PHYHIPL: variants seen among roughly 807,000 people sequenced by gnomAD.
PHYHIPL encodes phytanoyl-CoA hydroxylase-interacting protein-like.
In PHYHIPL, 9 loss-of-function variants were observed where a neutral mutation model predicts 33.4. The ratio of observed to expected loss-of-function variants is 0.27; its 90% CI spans 0.16 to 0.47. The LOEUF is 0.47. PHYHIPL is among the 20% of genes least tolerant of loss of function. PHYHIPL has a pLI of 0.99. For missense variants in PHYHIPL, 365 were observed against 460.7 expected (o/e 0.79, Z 1.90); for synonymous variants, 153 against 154.1 (o/e 0.99, Z 0.05).
upstream of PHYHIPL, among the ~76,000 whole-genome samples, chr10:59,176,045 A>T (rs1838242440): frequency 6.6e-6 from 1 of 152,076 alleles, no homozygotes; most frequent in African/African-American, 2.4e-5. Context: ...GGACTGGCAA[A>T]ATGCTGTCTC....
intron 1 of PHYHIPL, among the ~76,000 whole-genome samples, chr10:59,227,867 A>G (rs570101343): frequency 1.3e-5 from 2 of 151,938 alleles, no homozygotes; most frequent in South Asian, 4.1e-4. Context: ...CATGTTTTAC[A>G]GGTTTTGATC....
chr10:59,213,343 C>CT (rs1489153507), intron 1 of PHYHIPL, among the ~76,000 whole-genome samples: 1 of 152,080 alleles, frequency 6.6e-6, no homozygotes, highest in Non-Finnish European at 1.5e-5. Flanking sequence ...ATACTCTAGC[C>CT]TTATTTCCTA....
intron 1 of PHYHIPL, among the ~76,000 whole-genome samples, chr10:59,186,081 G>C (rs932830015): frequency 6.6e-6 from 1 of 152,116 alleles, no homozygotes; most frequent in South Asian, 2.1e-4. Flanking sequence ...TTTTCTTCTA[G>C]GGTTTTTATG....
chr10:59,183,744 G>A, intron 1 of PHYHIPL: 1 of 887,404 alleles, frequency 1.1e-6, no homozygotes, highest in Non-Finnish European at 1.4e-6. Flanking sequence ...GACTATTTGA[G>A]CCATGTAGTG....
At chr10:59,206,174 T>G (rs1172368742) in intron 1 of PHYHIPL, among the ~76,000 whole-genome samples, 3 of 152,226 alleles carry the variant, frequency 2.0e-5, no homozygotes, top group Non-Finnish European at 4.4e-5. Flanking sequence ...TAAGGTTCTA[T>G]TTTGAATACC....
intron 1 of PHYHIPL, among the ~76,000 whole-genome samples, chr10:59,191,957 A>G (rs776011736): frequency 7.2e-5 from 11 of 152,112 alleles, no homozygotes; most frequent in Non-Finnish European, 1.5e-4. Flanking sequence ...AATCTGTTTA[A>G]GAGAGGAAGG....
At chr10:59,185,176 G>A (rs1838548119) in intron 1 of PHYHIPL, among the ~76,000 whole-genome samples, 1 of 151,568 alleles carries the variant, frequency 6.6e-6, no homozygotes, top group Non-Finnish European at 1.5e-5. Context: ...ATTTTTAGTA[G>A]AGACGGGGTT....
intron 1 of PHYHIPL, 97 bp from the exon 2 acceptor site, chr10:59,234,207 C>A (rs535252006): frequency 2.1e-6 from 2 of 970,692 alleles, no homozygotes; most frequent in Non-Finnish European, 3.0e-6. Flanking sequence ...AGGAGTAAGT[C>A]ATCTCTACTT....
At chr10:59,185,514 A>C (rs1279638499) in intron 1 of PHYHIPL, among the ~76,000 whole-genome samples, 1 of 150,364 alleles carries the variant, frequency 6.7e-6, no homozygotes, top group South Asian at 2.1e-4. Flanking sequence ...GGTATTTCTA[A>C]TTCTAGATCC....
intron 1 of PHYHIPL, among the ~76,000 whole-genome samples, chr10:59,227,845 C>A (rs1831715636): frequency 6.6e-6 from 1 of 152,034 alleles, no homozygotes; most frequent in African/African-American, 2.4e-5. Context: ...TTCCCTAAAA[C>A]ATTTATTGCT....
chr10:59,183,767 G>A (rs1410475204), intron 1 of PHYHIPL: 2 of 682,102 alleles, frequency 2.9e-6, no homozygotes, highest in Non-Finnish European at 3.6e-6. Flanking sequence ...TCATTTAAAA[G>A]GGGCTGCTCC....
At chr10:59,177,166 G>A (rs1363157644) in intron 1 of PHYHIPL, 4 of 606,752 alleles carry the variant, frequency 6.6e-6, no homozygotes, top group African/African-American at 3.8e-5. Context: ...GCCTTGGCGC[G>A]GAAAGTAGCC....
intron 1 of PHYHIPL, among the ~76,000 whole-genome samples, chr10:59,205,700 C>T (rs142798542): frequency 5.9e-5 from 9 of 152,074 alleles, no homozygotes; most frequent in Admixed American, 5.2e-4. Context: ...GTATGTGGGC[C>T]GGAGTACACT....
chr10:59,225,344 G>T (rs1311586543), intron 1 of PHYHIPL, among the ~76,000 whole-genome samples: 1 of 151,506 alleles, frequency 6.6e-6, no homozygotes, highest in East Asian at 2.0e-4. Flanking sequence ...GATCTGTGCT[G>T]TCACCCTGTG....
intron 1 of PHYHIPL, chr10:59,183,620 C>T (rs972961101): frequency 1.0e-6 from 1 of 981,542 alleles, no homozygotes; most frequent in Admixed American, 6.2e-5. Flanking sequence ...AATCTACAAC[C>T]AGGTTTGTTA....
chr10:59,194,165 T>C lies in PHYHIPL; in HGVS notation c.106+17206T>C, dbSNP rs1014928595. Among the ~76,000 whole-genome samples, 14 of 150,928 alleles carry C rather than the reference T, an allele frequency of 9.3e-5. No homozygotes were observed. The East Asian group carries it at 2.4e-3, about 25-fold the overall frequency. ...GGTGTGATCTTGGCTCACTGCAATCTTTGCTTCCCAAGTTCAAGCAATTCT... is the reference window on the plus strand; with the variant it reads ...GGTGTGATCTTGGCTCACTGCAATCCTTGCTTCCCAAGTTCAAGCAATTCT... On this transcript the variant is annotated intron_variant, in intron 1 of 4. Coordinates refer to ENST00000373880, the MANE Select transcript of PHYHIPL (RefSeq NM_032439.4).
intron 1 of PHYHIPL, among the ~76,000 whole-genome samples, chr10:59,214,035 A>C (rs949260649): frequency 6.6e-6 from 1 of 152,122 alleles, no homozygotes; most frequent in African/African-American, 2.4e-5. Context: ...CATGGGGGGA[A>C]AGATGGATTA....
intron 1 of PHYHIPL, among the ~76,000 whole-genome samples, chr10:59,206,541 T>G (rs1324861739): frequency 6.6e-6 from 1 of 152,188 alleles, no homozygotes. Flanking sequence ...TTCTGGAAAT[T>G]CTAGAAATTC....
rs187741444 is a variant in PHYHIPL, at chr10:59,184,565, G to A, written c.106+7606G>A. 5.9e-5 allele frequency among the ~76,000 whole-genome samples: 9 copies of A among 152,222 alleles called. No individual in the cohort carries two copies. In the South Asian group the frequency reaches 8.3e-4, roughly 14 times the overall value. ...AGTAAGTTAGTTCTGTATGGAGTCA[G>A]TCAGAGATGGGTGGTCCCCTATACC... On this transcript the variant is annotated intron_variant, in intron 1 of 4. Transcript: ENST00000373880.
Sources: gnomAD v4.1 joint callset for allele counts (sites outside exome capture counted in the v4.1 genomes callset) on GRCh38, gnomAD v4.1.1 for gene constraint, MANE v1.5 for transcripts, NCBI Gene and HGNC (gene_info 2026-07-23, HGNC 2026-07-21) for gene names.